The following TRHDE variants were observed in gnomAD, a reference collection of about 807,000 sequenced individuals.
TRHDE encodes the protein thyrotropin releasing hormone degrading enzyme, also known as thyrotropin-releasing hormone-degrading ectoenzyme.
TRHDE carries 72 observed loss-of-function variants against 125.7 expected under a neutral mutation model. The observed-to-expected ratio is 0.57, with a 90% confidence interval of 0.47 to 0.70. TRHDE has a LOEUF of 0.70. Ranked by LOEUF, TRHDE falls within the 30% of genes least tolerant of loss-of-function variation. The pLI, the probability that TRHDE is intolerant of heterozygous loss-of-function variation, is 0.00. For missense variants in TRHDE, 1,110 were observed against 1,327.1 expected (o/e 0.84, Z 2.54); for synonymous variants, 509 against 509.1 (o/e 1.00, Z 0.00).
In TRHDE at chr12:72,596,609, T is replaced by C. The variant is rs150881999; in HGVS notation, c.2321+21067T>C. Among the ~76,000 whole-genome samples, 216 of 152,308 alleles carry C rather than the reference T, an allele frequency of 1.4e-3. 1 individual carries two copies. Among genetic ancestry groups the C allele is most frequent in the Non-Finnish European group, 2.7e-3 (184 of 68,008 alleles). ...GGAAGGCATGGTCAGTTCTGGATAGTATACTGAAAATTTCGTAATGCTTCA... is the reference window on the plus strand; with the variant it reads ...GGAAGGCATGGTCAGTTCTGGATAGCATACTGAAAATTTCGTAATGCTTCA... On this transcript the variant is annotated intron_variant, in intron 12 of 18. Transcript: ENST00000261180.
At chr12:72,144,784 C>G (rs1876191908) in intron 2 of TRHDE, among the ~76,000 whole-genome samples, 1 of 152,178 alleles carries the variant, frequency 6.6e-6, no homozygotes, top group Non-Finnish European at 1.5e-5. Context: ...CTCAGAATAA[C>G]AATGCTATTC....
intron 2 of TRHDE, among the ~76,000 whole-genome samples, chr12:72,230,468 A>G (rs1338529333): frequency 6.6e-6 from 1 of 152,176 alleles, no homozygotes; most frequent in African/African-American, 2.4e-5. Flanking sequence ...ATCATAGTCA[A>G]TTTAGAATAT....
intron 2 of TRHDE, among the ~76,000 whole-genome samples, chr12:72,150,733 A>T (rs571655942): frequency 6.6e-6 from 1 of 151,700 alleles, no homozygotes. Flanking sequence ...TGAACTCATC[A>T]TTTTTTATGG....
In TRHDE at chr12:72,653,139, G is replaced by C; in HGVS notation, c.2967G>C (p.Trp989Cys). ...CCTGGAAGTTTTTCAGGGATAAATGGAAGATATTAAATACCAGGTAGAAAT... is the reference window on the plus strand; with the variant it reads ...CCTGGAAGTTTTTCAGGGATAAATGCAAGATATTAAATACCAGGTAGAAAT... Reference protein sequence around the residue: ...DLAWKFFRDKWKILNTRYGEA... With the variant: ...DLAWKFFRDKCKILNTRYGEA... The change falls in exon 17 of 19, where the codon TGG becomes TGC. Residue 989 changes from tryptophan (W) to cysteine (C), a missense_variant. This residue lies in a region of TRHDE where 527 missense variants were observed against 651.8 expected (regional missense o/e 0.81). Transcript: ENST00000261180. 3 of 1,608,996 alleles carry C rather than the reference G, an allele frequency of 1.9e-6. No homozygotes were observed. Among genetic ancestry groups the C allele is most frequent in the Non-Finnish European group, 2.5e-6 (3 of 1,177,294 alleles).
chr12:72,571,087 T>A (rs550164418), intron 10 of TRHDE, among the ~76,000 whole-genome samples: 1 of 134,640 alleles, frequency 7.4e-6, no homozygotes, highest in Admixed American at 7.0e-5. Flanking sequence ...TTTAATTGTA[T>A]TAAATTTTTT....
chr12:72,532,773 A>T (rs1406959975), intron 6 of TRHDE, among the ~76,000 whole-genome samples: 1 of 150,020 alleles, frequency 6.7e-6, no homozygotes, highest in African/African-American at 2.4e-5. Flanking sequence ...TAGAATCTAT[A>T]TTATATATAG....
At chr12:72,623,200 A>T (rs1560743) in intron 15 of TRHDE, among the ~76,000 whole-genome samples, 21,279 of 152,030 alleles carry the variant, frequency 0.14, 2,042 homozygotes, top group East Asian at 0.54. Context: ...ATATACATAT[A>T]AAAAAGATGA....
intron 2 of TRHDE, among the ~76,000 whole-genome samples, chr12:72,128,792 C>T (rs1044412897): frequency 1.2e-4 from 19 of 152,122 alleles, no homozygotes; most frequent in African/African-American, 3.4e-4. Context: ...GGCTGTGAGA[C>T]AACTTCAGGT....
intron 3 of TRHDE, among the ~76,000 whole-genome samples, chr12:72,468,204 T>G (rs1876474889): frequency 6.6e-6 from 1 of 152,222 alleles, no homozygotes; most frequent in South Asian, 2.1e-4. Context: ...CAACACATGG[T>G]GTTATTCTAC....
chr12:72,357,006 A>G (rs1000872255), intron 2 of TRHDE, among the ~76,000 whole-genome samples: 5 of 151,552 alleles, frequency 3.3e-5, no homozygotes, highest in African/African-American at 2.4e-5. Flanking sequence ...TCAGCAAAAT[A>G]GATGAAGCAA....
At chr12:72,544,993 T>C (rs1363254237) in intron 7 of TRHDE, among the ~76,000 whole-genome samples, 2 of 151,468 alleles carry the variant, frequency 1.3e-5, no homozygotes, top group Non-Finnish European at 3.0e-5. Context: ...GTTTCTATAG[T>C]CATATTACCC....
intron 2 of TRHDE, among the ~76,000 whole-genome samples, chr12:72,237,942 C>G (rs1354880421): frequency 6.6e-6 from 1 of 151,828 alleles, no homozygotes; most frequent in Non-Finnish European, 1.5e-5. Context: ...CTGGCTGGTA[C>G]AAAGTCCAGC....
At chr12:72,367,053 A>G (rs1358773074) in intron 2 of TRHDE, among the ~76,000 whole-genome samples, 1 of 152,050 alleles carries the variant, frequency 6.6e-6, no homozygotes, top group East Asian at 1.9e-4. Flanking sequence ...TGTGGTTTTC[A>G]TATCATCATG....
intron 7 of TRHDE, among the ~76,000 whole-genome samples, chr12:72,554,940 A>G (rs1458256383): frequency 6.6e-6 from 1 of 152,172 alleles, no homozygotes; most frequent in Non-Finnish European, 1.5e-5. Context: ...AATTGGTGGT[A>G]TGATCTATAA....
At chr12:72,099,435 A>G (rs2139288008) in intron 1 of TRHDE, among the ~76,000 whole-genome samples, 1 of 152,326 alleles carries the variant, frequency 6.6e-6, no homozygotes, top group Non-Finnish European at 1.5e-5. Flanking sequence ...ATAAAGACTC[A>G]GGTTTTGTTC....
intron 5 of TRHDE, among the ~76,000 whole-genome samples, chr12:72,479,342 G>A (rs1043429821): frequency 7.2e-5 from 11 of 152,068 alleles, no homozygotes; most frequent in Non-Finnish European, 1.3e-4. Context: ...AGCTTTTGAA[G>A]AGCCTCAATG....
At chr12:72,304,752 A>C (rs1291844430) in intron 2 of TRHDE, among the ~76,000 whole-genome samples, 1 of 152,152 alleles carries the variant, frequency 6.6e-6, no homozygotes, top group Non-Finnish European at 1.5e-5. Flanking sequence ...TTTGATTCCC[A>C]CTATCACCAT....
chr12:72,171,825 G>A (rs576975870), intron 2 of TRHDE, among the ~76,000 whole-genome samples: 1 of 152,260 alleles, frequency 6.6e-6, no homozygotes, highest in East Asian at 1.9e-4. Flanking sequence ...GAGTCATATT[G>A]TCACCTGTCC....
chr12:72,570,575 T>G (rs1870670274), intron 10 of TRHDE, among the ~76,000 whole-genome samples: 1 of 84,340 alleles, frequency 1.2e-5, no homozygotes, highest in Non-Finnish European at 2.0e-5. Context: ...AGAGAGACTG[T>G]CTCAAAAAAA....
Sources: gnomAD v4.1 joint callset for allele counts (sites outside exome capture counted in the v4.1 genomes callset) on GRCh38, gnomAD v4.1.1 for gene constraint, gnomAD v4.1.1 regional missense constraint, MANE v1.5 for transcripts, NCBI Gene and HGNC (gene_info 2026-07-23, HGNC 2026-07-21) for gene names.